TMEM244: variants seen among roughly 807,000 people sequenced by gnomAD.
TMEM244 encodes putative transmembrane protein 244.
TMEM244 carries 13 observed loss-of-function variants against 15.8 expected under a neutral mutation model. The ratio of observed to expected loss-of-function variants is 0.82; its 90% CI spans 0.53 to 1.30. TMEM244 has a LOEUF of 1.30. Among genes scored for constraint, TMEM244 ranks in the 50% most tolerant of loss-of-function variants. The pLI, the probability that TMEM244 is intolerant of heterozygous loss-of-function variation, is 0.00. For missense variants in TMEM244, 161 were observed against 144.9 expected, an observed-to-expected ratio of 1.11 and a Z score of -0.57; for synonymous variants, 45 against 48.7, an observed-to-expected ratio of 0.92 and a Z score of 0.32.
Position 129,833,068 on chromosome 6 carries a change from G to A in TMEM244, c.319+392C>T, listed in dbSNP as rs533777592. On this transcript the variant is annotated intron_variant, in intron 4 of 4. Coordinates refer to ENST00000368143, the MANE Select transcript of TMEM244 (RefSeq NM_001010876.2). ...AGAAAAATGATGCAGGGAAAACCAG[G>A]GTAATACAAATAAAGTTTAGCTAAT... Among the ~76,000 whole-genome samples the A allele has an allele frequency of 2.0e-5, 3 of 152,018 alleles. No individual in the cohort carries two copies. In the South Asian group the frequency reaches 6.2e-4, roughly 32 times the overall value.
intron 4 of TMEM244, among the ~76,000 whole-genome samples, chr6:129,831,785 C>T (rs1245002317): frequency 6.6e-6 from 1 of 152,186 alleles, no homozygotes; most frequent in East Asian, 1.9e-4. Context: ...TAACTCATAA[C>T]TTTTCTAGGT....
chr6:129,844,063 C>T (rs565573691), intron 2 of TMEM244, among the ~76,000 whole-genome samples: 1 of 147,838 alleles, frequency 6.8e-6, no homozygotes, highest in Admixed American at 6.8e-5. Context: ...AAATACATCT[C>T]ATCATGGATA....
At chr6:129,845,021 A>G (rs923552609) in intron 2 of TMEM244, among the ~76,000 whole-genome samples, 7 of 152,336 alleles carry the variant, frequency 4.6e-5, no homozygotes, top group Admixed American at 4.6e-4. Flanking sequence ...ACAAAATTCA[A>G]CCATAGCAAG....
intron 1 of TMEM244, 145 bp from the exon 2 acceptor site, chr6:129,845,997 T>C (rs914178746): frequency 8.7e-6 from 5 of 575,950 alleles, no homozygotes; most frequent in Non-Finnish European, 1.5e-5. Flanking sequence ...TGGGAATGAC[T>C]TCAAAGTGCC....
rs548890350 is a variant in TMEM244 at position 129,836,029 on chromosome 6, G to A, written c.194-2444C>T. Among the ~76,000 whole-genome samples the A allele has an allele frequency of 1.1e-4, 17 of 152,238 alleles. No individual in the cohort carries two copies. In the South Asian group the frequency reaches 2.5e-3, roughly 22 times the overall value. ...GCAGTCAGCTTCTGCAGATTTAAACGTCCCGTCTGACAGCTCTGAAGAGAG... is the reference window on the plus strand; with the variant it reads ...GCAGTCAGCTTCTGCAGATTTAAACATCCCGTCTGACAGCTCTGAAGAGAG... On this transcript the variant is annotated intron_variant, in intron 3 of 4. Coordinates refer to ENST00000368143, the MANE Select transcript of TMEM244 (RefSeq NM_001010876.2).
At chr6:129,835,404 T>TAAAAAAAAAAAAAAAAAAAAA (rs549649524) in intron 3 of TMEM244, among the ~76,000 whole-genome samples, 1 of 138,448 alleles carries the variant, frequency 7.2e-6, no homozygotes. Flanking sequence ...CTCTGTCTCT[T>TAAAAAAAAAAAAAAAAAAAAA]AAAAAAAAAA....
At chr6:129,836,114 G>A (rs997102219) in intron 3 of TMEM244, among the ~76,000 whole-genome samples, 1 of 152,136 alleles carries the variant, frequency 6.6e-6, no homozygotes, top group Non-Finnish European at 1.5e-5. Flanking sequence ...CTCCTCAAAT[G>A]AGTCCCTGAC....
chr6:129,847,775 CTTT>C lies in TMEM244; in HGVS notation c.34-1926_34-1924del, dbSNP rs34238013. 6.7e-3 allele frequency among the ~76,000 whole-genome samples: 915 copies of C among 137,480 alleles called. 14 individuals carry two copies. Among genetic ancestry groups the C allele is most frequent in the African/African-American group, 0.023 (848 of 36,936 alleles). The allele number at this position is 137,480 out of a possible 152,430, so 90.2% of individuals were successfully genotyped here. A position where few individuals can be genotyped will look rare whatever the true frequency, so the allele number is the denominator to read the frequency against. ...ATTCCTTGTTTCTTTTTTCTTTTTT[CTTT>C]TTTTTTTTTTTTTGAGACAGAGTTT... On this transcript the variant is annotated intron_variant, in intron 1 of 4. Transcript: ENST00000368143.
At chr6:129,841,881 T>C (rs1178797304) in intron 3 of TMEM244, among the ~76,000 whole-genome samples, 1 of 152,132 alleles carries the variant, frequency 6.6e-6, no homozygotes, top group African/African-American at 2.4e-5. Flanking sequence ...CTGAGGTTAC[T>C]CTTATATTTT....
In TMEM244 at chr6:129,833,527, A is replaced by G. The variant is rs1238221869; in HGVS notation, c.252T>C (p.Val84=). ...CATAATCCCAAACCCATTCTTCCAC[A>G]ACTGGAACAAAAAACAATCCACAAA... is the stretch of plus-strand genomic sequence containing the variant. ...YFVCGLFFVP[V]VEEWVWDYAI... The change falls in exon 4 of 5, where the codon GTT becomes GTC. Residue 84 remains valine (V), a synonymous_variant. Transcript: ENST00000368143. 6.2e-7 allele frequency: 1 copy of G among 1,613,202 alleles called. No homozygotes were observed. The highest frequency in any genetic ancestry group is 8.5e-7 in the Non-Finnish European group (1 of 1,179,638).
intron 3 of TMEM244, among the ~76,000 whole-genome samples, chr6:129,833,942 C>A (rs75699092): frequency 0.14 from 21,932 of 151,948 alleles, 1,768 homozygotes; most frequent in South Asian, 0.24. Flanking sequence ...ATGAAAAAAT[C>A]CAGTTCTGAG....
rs1256076144 is a variant in TMEM244, at chr6:129,846,293, A to C, written c.34-441T>G. 6.6e-5 allele frequency among the ~76,000 whole-genome samples: 10 copies of C among 152,282 alleles called. 1 individual carries two copies. On this transcript the variant is annotated intron_variant, in intron 1 of 4. Coordinates refer to ENST00000368143, the MANE Select transcript of TMEM244 (RefSeq NM_001010876.2). Reference sequence around the variant, plus strand: ...TTTTTAATACATTCACTTACTATAAAATTTTCCTTGTATAATCCAAACATG... The same window carrying C: ...TTTTTAATACATTCACTTACTATAACATTTTCCTTGTATAATCCAAACATG...
chr6:129,836,243 T>A (rs1776405013), intron 3 of TMEM244, among the ~76,000 whole-genome samples: 1 of 152,186 alleles, frequency 6.6e-6, no homozygotes, highest in South Asian at 2.1e-4. Flanking sequence ...TATTTGCTGT[T>A]CTGCAGCCTC....
chr6:129,831,365 G>A lies in TMEM244; in HGVS notation c.341C>T (p.Thr114Ile). The change falls in exon 5 of 5, where the codon ACA becomes ATA. Residue 114 changes from threonine (T) to isoleucine (I), a missense_variant. Transcript: ENST00000368143. ...ACCTAAAGCAGCCCACCAATGTGAT[G>A]TCAAGGGGAATTCCAACATAACTGC... ...TSTVMLEFPL[T>I]SHWWAALGIS... 6.3e-7 allele frequency: 1 copy of A among 1,580,964 alleles called. No homozygotes were observed. The highest frequency in any genetic ancestry group is 8.7e-7 in the Non-Finnish European group (1 of 1,149,162).
chr6:129,847,125 A>G (rs577894726), intron 1 of TMEM244, among the ~76,000 whole-genome samples: 2 of 152,334 alleles, frequency 1.3e-5, no homozygotes, highest in East Asian at 3.9e-4. Flanking sequence ...ACAAACCAAT[A>G]GAAAAATGGA....
chr6:129,839,628 G>A (rs1264146778), intron 3 of TMEM244, among the ~76,000 whole-genome samples: 4 of 152,136 alleles, frequency 2.6e-5, no homozygotes, highest in Admixed American at 6.5e-5. Context: ...AGGAAAAGAG[G>A]AAGTCAAATT....
intron 3 of TMEM244, among the ~76,000 whole-genome samples, chr6:129,837,130 G>A (rs539252170): frequency 3.9e-5 from 6 of 152,172 alleles, no homozygotes; most frequent in African/African-American, 7.2e-5. Flanking sequence ...TGTCAGATTC[G>A]CCAAGGTTGA....
At chr6:129,841,154 CA>C (rs1776484144) in intron 3 of TMEM244, among the ~76,000 whole-genome samples, 1 of 152,120 alleles carries the variant, frequency 6.6e-6, no homozygotes, top group African/African-American at 2.4e-5. Context: ...ATTCACATAG[CA>C]AAGACTTGGA....
intron 1 of TMEM244, among the ~76,000 whole-genome samples, chr6:129,851,848 C>A (rs529074502): frequency 1.3e-5 from 2 of 152,254 alleles, no homozygotes; most frequent in East Asian, 3.9e-4. Context: ...TACTGCCAAA[C>A]TTTTTATTAC....
Sources: gnomAD v4.1 joint callset for allele counts (sites outside exome capture counted in the v4.1 genomes callset) on GRCh38, gnomAD v4.1.1 for gene constraint, MANE v1.5 for transcripts, NCBI Gene and HGNC (gene_info 2026-07-23, HGNC 2026-07-21) for gene names.